The following GSE1 variants were observed in gnomAD, a reference collection of about 807,000 sequenced individuals.
GSE1 encodes genetic suppressor element 1.
In GSE1, 32 loss-of-function variants were observed where a neutral mutation model predicts 112.6. That is an observed-to-expected ratio of 0.28 (90% CI 0.21 to 0.38). The LOEUF is 0.38. Ranked by LOEUF, GSE1 falls within the 10% of genes least tolerant of loss-of-function variation. GSE1 has a pLI of 1.00. For synonymous variants in GSE1, 1,115 were observed against 735.6 expected (o/e 1.52, Z -8.35); for missense variants, 2,348 against 1,699.2 (o/e 1.38, Z -6.71).
chr16:85,248,371 T>A (rs553376887), intron 1 of GSE1, among the ~76,000 whole-genome samples: 1 of 152,154 alleles, frequency 6.6e-6, no homozygotes, highest in Non-Finnish European at 1.5e-5. Context: ...TCTCCTTTTG[T>A]CTATCTCTCC....
chr16:85,437,996 A>G (rs1301713667), intron 2 of GSE1, among the ~76,000 whole-genome samples: 1 of 152,046 alleles, frequency 6.6e-6, no homozygotes, highest in East Asian at 1.9e-4. Flanking sequence ...TATTCTAACT[A>G]GTGTTATTAC....
rs112197518 is a variant in GSE1, at chr16:85,549,734, C to T, written c.2465-84180C>T. ...GCTTGAGACTTGGAATGTTCATAGA[C>T]GGTCCAGGGACCTAAGGACTAGAGC... On this transcript the variant is annotated intron_variant, in intron 2 of 2. Coordinates refer to the GSE1 transcript ENST00000637419. Among the ~76,000 whole-genome samples the T allele has an allele frequency of 6.9e-4, 105 of 152,356 alleles. 1 individual carries two copies. Among genetic ancestry groups the T allele is most frequent in the African/African-American group, 2.1e-3 (88 of 41,580 alleles).
At chr16:85,486,625 C>T (rs76097001) in intron 2 of GSE1, among the ~76,000 whole-genome samples, 24,345 of 152,156 alleles carry the variant, frequency 0.16, 2,056 homozygotes, top group African/African-American at 0.2. Context: ...GAGAGGCCTG[C>T]CCTGGTCCCC....
chr16:85,450,770 G>A (rs1332512841), intron 2 of GSE1, among the ~76,000 whole-genome samples: 1 of 150,566 alleles, frequency 6.6e-6, no homozygotes, highest in Admixed American at 6.6e-5. Flanking sequence ...TTTTTTAAAA[G>A]CCAGGTTTGG....
intron 1 of GSE1, among the ~76,000 whole-genome samples, chr16:85,316,996 C>G (rs2045999721): frequency 6.6e-6 from 1 of 152,196 alleles, no homozygotes; most frequent in African/African-American, 2.4e-5. Flanking sequence ...GAGCGAGTCT[C>G]AGGCCCCGTC....
At chr16:85,461,533 A>G (rs1030723240) in intron 2 of GSE1, among the ~76,000 whole-genome samples, 2 of 152,124 alleles carry the variant, frequency 1.3e-5, no homozygotes, top group Non-Finnish European at 2.9e-5. Flanking sequence ...CTGTGGTTTA[A>G]AAGCACCCAG....
chr16:85,649,692 CAG>C (rs1409320724), intron 3 of GSE1, among the ~76,000 whole-genome samples: 3 of 152,336 alleles, frequency 2.0e-5, no homozygotes, highest in Middle Eastern at 6.8e-3. Context: ...GAGCGATTCT[CAG>C]GGGCTGCTGT....
chr16:85,246,237 A>ACACG (rs1217218311), intron 1 of GSE1, among the ~76,000 whole-genome samples: 23 of 108,270 alleles, frequency 2.1e-4, no homozygotes, highest in Non-Finnish European at 4.0e-4. Flanking sequence ...ACACACACAC[A>ACACG]CGCACACCAC....
exon 1 of GSE1, chr16:85,556,327 A>C: frequency 2.0e-6 from 2 of 984,610 alleles, no homozygotes; most frequent in Non-Finnish European, 2.4e-6. Flanking sequence ...AATTTGAACC[A>C]TGTTTGGATT....
chr16:85,233,520 G>A (rs1192469690), intron 1 of GSE1, among the ~76,000 whole-genome samples: 1 of 152,196 alleles, frequency 6.6e-6, no homozygotes, highest in East Asian at 1.9e-4. Context: ...GTGTGTTCAT[G>A]TATGTTCATG....
At chr16:85,342,778 G>A (rs1052247610) in intron 1 of GSE1, among the ~76,000 whole-genome samples, 2 of 152,006 alleles carry the variant, frequency 1.3e-5, no homozygotes, top group African/African-American at 4.8e-5. Flanking sequence ...CAGAGGAGGC[G>A]ATGGTAGGGT....
chr16:85,472,102 C>G (rs1433828283), intron 2 of GSE1, among the ~76,000 whole-genome samples: 1 of 152,152 alleles, frequency 6.6e-6, no homozygotes, highest in African/African-American at 2.4e-5. Flanking sequence ...AGACACCTGC[C>G]CAGACATTGC....
chr16:85,288,198 C>T (rs1427831812), intron 1 of GSE1, among the ~76,000 whole-genome samples: 1 of 152,152 alleles, frequency 6.6e-6, no homozygotes, highest in Non-Finnish European at 1.5e-5. Context: ...TGAGATCACG[C>T]CATTGCACTC....
Position 85,655,798 on chromosome 16 carries a change from C to A in GSE1, c.870C>A (p.Pro290=), listed in dbSNP as rs945098055. The A allele has an allele frequency of 1.9e-6, 3 of 1,609,370 alleles. No individual in the cohort carries two copies. Among genetic ancestry groups the A allele is most frequent in the African/African-American group, 2.7e-5 (2 of 74,864 alleles). ...CCATCCCCACCCCCGGCTCCCTGCCCCCACTGCACCCATCAGCGATGCACC... is the reference window on the plus strand; with the variant it reads ...CCATCCCCACCCCCGGCTCCCTGCCACCACTGCACCCATCAGCGATGCACC... The part of the protein sequence containing the change: ...FYPIPTPGSL[P]PLHPSAMHLH... Residue 290 remains proline, a synonymous_variant, in exon 6 of 16, where the codon CCC becomes CCA. Transcript: ENST00000253458.
At chr16:85,322,301 CG>C (rs920718725) in intron 1 of GSE1, among the ~76,000 whole-genome samples, 2 of 100,858 alleles carry the variant, frequency 2.0e-5, no homozygotes, top group Non-Finnish European at 4.1e-5. Flanking sequence ...CCCGGGCGGG[CG>C]GGGGGGAAGG....
chr16:85,268,912 CA>C (rs1288368396), intron 1 of GSE1, among the ~76,000 whole-genome samples: 3 of 149,968 alleles, frequency 2.0e-5, no homozygotes, highest in Middle Eastern at 3.5e-3. Flanking sequence ...GAGGGGGGAC[CA>C]GGGGGCTAGG....
intron 1 of GSE1, among the ~76,000 whole-genome samples, chr16:85,200,167 G>A (rs1242882765): frequency 3.9e-5 from 6 of 152,018 alleles, no homozygotes; most frequent in East Asian, 3.9e-4. Context: ...AAATATGCTC[G>A]GATCCCATTT....
intron 1 of GSE1, among the ~76,000 whole-genome samples, chr16:85,294,410 C>T (rs186938075): frequency 6.9e-4 from 105 of 152,278 alleles, no homozygotes; most frequent in Admixed American, 6.2e-3. Context: ...GTCCCAGCTG[C>T]GTGGTGTTCC....
intron 1 of GSE1, among the ~76,000 whole-genome samples, chr16:85,240,076 A>C (rs1283783229): frequency 6.6e-6 from 1 of 152,246 alleles, no homozygotes; most frequent in Non-Finnish European, 1.5e-5. Flanking sequence ...GCGTGGCTTT[A>C]AGCAAGTTAC....
Sources: allele counts gnomAD v4.1 joint callset (sites outside exome capture counted in the v4.1 genomes callset), GRCh38; gene constraint gnomAD v4.1.1; transcripts MANE v1.5; gene names NCBI Gene and HGNC (gene_info 2026-07-23, HGNC 2026-07-21).